TNRC6A: variants seen among roughly 807,000 people sequenced by gnomAD.
TNRC6A encodes trinucleotide repeat-containing gene 6A protein.
A neutral mutation model predicts 221.2 loss-of-function variants in TNRC6A; 44 were observed. The observed-to-expected ratio is 0.20, with a 90% CI of 0.16 to 0.26. TNRC6A has a LOEUF of 0.26. Among genes scored for constraint, TNRC6A ranks in the 10% least tolerant of loss-of-function variants. TNRC6A has a pLI of 1.00. For synonymous variants in TNRC6A, 847 were observed against 838.5 expected, an observed-to-expected ratio of 1.01 and a Z score of -0.18; for missense variants, 2,199 against 2,404.4, an observed-to-expected ratio of 0.91 and a Z score of 1.79.
At chr16:24,677,273 A>C (rs898070203) in intron 2 of TNRC6A, among the ~76,000 whole-genome samples, 12 of 149,338 alleles carry the variant, frequency 8.0e-5, no homozygotes, top group African/African-American at 1.7e-4. Context: ...AGTGATTCTC[A>C]TGCCTCAGCC....
At chr16:24,684,239 A>G (rs112443416) in intron 2 of TNRC6A, among the ~76,000 whole-genome samples, 2,448 of 152,048 alleles carry the variant, frequency 0.016, 77 homozygotes, top group African/African-American at 0.055. Flanking sequence ...ACTCTACAAA[A>G]AAATAAAATA....
chr16:24,816,743 G>C (rs1281041002), intron 19 of TNRC6A, 73 bp from the exon 20 acceptor site: 3 of 1,526,716 alleles, frequency 2.0e-6, no homozygotes, highest in Non-Finnish European at 2.7e-6. Flanking sequence ...CAGGAATAAA[G>C]GTTTTGGATA....
At chr16:24,693,378 G>A (rs2055794728) in intron 2 of TNRC6A, among the ~76,000 whole-genome samples, 1 of 152,116 alleles carries the variant, frequency 6.6e-6, no homozygotes, top group Non-Finnish European at 1.5e-5. Flanking sequence ...CTTGAGGTCA[G>A]GAGTTCGAGA....
At chr16:24,680,812 T>G (rs1356203913) in intron 2 of TNRC6A, among the ~76,000 whole-genome samples, 1 of 151,946 alleles carries the variant, frequency 6.6e-6, no homozygotes, top group Non-Finnish European at 1.5e-5. Flanking sequence ...CATGCTGGAC[T>G]GCAATGGCAC....
chr16:24,625,733 A>AAAAC (rs1219312616), intron 1 of TNRC6A, among the ~76,000 whole-genome samples: 1 of 53,768 alleles, frequency 1.9e-5, no homozygotes, highest in Non-Finnish European at 3.5e-5. Context: ...ACTCCGTCTC[A>AAAAC]AAACAAAAAA....
intron 19 of TNRC6A, chr16:24,815,575 G>C (rs1428389979): frequency 9.6e-6 from 4 of 416,360 alleles, no homozygotes; most frequent in South Asian, 4.5e-5. Flanking sequence ...AAAACTTTAG[G>C]CTGGGCGCAG....
Position 24,824,021 on chromosome 16 carries a change from A to G in TNRC6A, c.*214A>G, listed in dbSNP as rs1327503262. 5.2e-6 allele frequency: 2 copies of G among 383,632 alleles called. No homozygotes were observed. The highest frequency in any genetic ancestry group is 4.2e-5 in the African/African-American group (2 of 47,886). The allele number at this position is 383,632 out of a possible 1,614,324, so 23.8% of individuals were successfully genotyped here. A position where few individuals can be genotyped will look rare whatever the true frequency, so the allele number is the denominator to read the frequency against. ...AGGTATCTACTCTATTTACACTCCCAAATAGCGCCATACATGCTAAACCGT... is the reference window on the plus strand; with the variant it reads ...AGGTATCTACTCTATTTACACTCCCGAATAGCGCCATACATGCTAAACCGT... On this transcript the variant is annotated 3_prime_UTR_variant, in exon 25 of 25. Coordinates refer to ENST00000395799, the MANE Select transcript of TNRC6A (RefSeq NM_014494.4).
chr16:24,733,092 C>G (rs2151190786), intron 2 of TNRC6A, among the ~76,000 whole-genome samples: 1 of 152,272 alleles, frequency 6.6e-6, no homozygotes, highest in South Asian at 2.1e-4. Flanking sequence ...TGGCATGCGC[C>G]TGTATTCCCA....
chr16:24,685,006 G>A (rs2055599141), intron 2 of TNRC6A, among the ~76,000 whole-genome samples: 1 of 152,036 alleles, frequency 6.6e-6, no homozygotes, highest in African/African-American at 2.4e-5. Flanking sequence ...TTGCCTCCAT[G>A]CTCTTGGGAA....
Position 24,729,706 on chromosome 16 carries a change from C to A in TNRC6A, c.-136C>A, listed in dbSNP as rs920205343. On this transcript the variant is annotated 5_prime_UTR_variant, in exon 1 of 25. Coordinates refer to ENST00000395799, the MANE Select transcript of TNRC6A (RefSeq NM_014494.4). ...GTGTCGGCGGCGGCGGCGGCGGCGG[C>A]GGCGGCGGCGGCAGCGGGTCGGTGT... 1.9e-5 allele frequency: 20 copies of A among 1,077,560 alleles called. No homozygotes were observed. Among genetic ancestry groups the A allele is most frequent in the Non-Finnish European group, 2.3e-5 (19 of 834,870 alleles). The allele number at this position is 1,077,560 out of a possible 1,614,324, so 66.7% of individuals were successfully genotyped here.
chr16:24,806,740 A>G lies in TNRC6A; in HGVS notation c.4496A>G (p.Gln1499Arg). ...NVMPHTTPELQKGPSPINAFS... is the reference protein window; with the variant it reads ...NVMPHTTPELRKGPSPINAFS... ...ATGCCCCACACTACACCTGAGCTGC[A>G]AAAAGGGCCATCACCAATAAATGCT... Residue 1499 changes from glutamine to arginine, a missense_variant, in exon 17 of 25, where the codon CAA becomes CGA. Physicochemically the swap from Gln to Arg is conservative, Grantham distance 43. Around this residue, in one of 8 missense-constraint regions of TNRC6A, gnomAD observed 449 missense variants for 579.7 expected, o/e 0.77. Coordinates refer to ENST00000395799, the MANE Select transcript of TNRC6A (RefSeq NM_014494.4). 6.2e-7 allele frequency: 1 copy of G among 1,614,182 alleles called. No homozygotes were observed. The highest frequency in any genetic ancestry group is 2.2e-5 in the East Asian group (1 of 44,876).
At chr16:24,738,132 C>T (rs1273461465) in intron 2 of TNRC6A, among the ~76,000 whole-genome samples, 2 of 152,150 alleles carry the variant, frequency 1.3e-5, no homozygotes, top group African/African-American at 2.4e-5. Context: ...TTTGTTGGCT[C>T]CTTCCCAGTG....
chr16:24,712,967 G>A (rs2056236483), intron 2 of TNRC6A, among the ~76,000 whole-genome samples: 1 of 149,964 alleles, frequency 6.7e-6, no homozygotes, highest in Non-Finnish European at 1.5e-5. Context: ...GTATAGAGGT[G>A]AGGGTCTCAC....
At chr16:24,635,364 C>A (rs1288378041) in intron 1 of TNRC6A, among the ~76,000 whole-genome samples, 1 of 151,948 alleles carries the variant, frequency 6.6e-6, no homozygotes, top group Non-Finnish European at 1.5e-5. Flanking sequence ...CTCACTGCAA[C>A]CTCTGCCTCC....
At chr16:24,619,753 A>G (rs1483893035) in intron 1 of TNRC6A, among the ~76,000 whole-genome samples, 1 of 152,170 alleles carries the variant, frequency 6.6e-6, no homozygotes, top group Non-Finnish European at 1.5e-5. Flanking sequence ...CCACGGGTAC[A>G]GGGAGGAAAG....
chr16:24,776,894 G>A (rs2057729857), intron 4 of TNRC6A, 39 bp from the exon 5 acceptor site: 2 of 1,584,774 alleles, frequency 1.3e-6, no homozygotes, highest in South Asian at 1.1e-5. Context: ...ACACTTTACT[G>A]GCTAATCTTT....
upstream of TNRC6A, among the ~76,000 whole-genome samples, chr16:24,725,996 T>C (rs1242665519): frequency 1.4e-5 from 2 of 145,084 alleles, no homozygotes; most frequent in Non-Finnish European, 3.0e-5. Flanking sequence ...CAAGACTATG[T>C]CTAAAAAAAA....
chr16:24,781,945 C>G (rs1485499521), intron 5 of TNRC6A, among the ~76,000 whole-genome samples: 2 of 152,068 alleles, frequency 1.3e-5, no homozygotes, highest in African/African-American at 4.8e-5. Flanking sequence ...GCCTCAGCCT[C>G]CCGAGTAGCT....
intron 2 of TNRC6A, among the ~76,000 whole-genome samples, chr16:24,698,469 A>G (rs1003640040): frequency 1.3e-5 from 2 of 152,104 alleles, no homozygotes; most frequent in Admixed American, 1.3e-4. Flanking sequence ...GTGCGCTTGG[A>G]GATATATTAA....
Sources: gnomAD v4.1 joint callset for allele counts (sites outside exome capture counted in the v4.1 genomes callset) on GRCh38, gnomAD v4.1.1 for gene constraint, gnomAD v4.1.1 regional missense constraint, MANE v1.5 for transcripts, NCBI Gene and HGNC (gene_info 2026-07-23, HGNC 2026-07-21) for gene names.